Variants in ADAMTS2 observed in about 807,000 individuals in gnomAD.
The protein encoded by ADAMTS2 is A disintegrin and metalloproteinase with thrombospondin motifs 2.
Under a neutral mutation model 123.0 loss-of-function variants are expected in ADAMTS2, and 50 were observed. The observed-to-expected ratio is 0.41, with a 90% CI of 0.32 to 0.51. ADAMTS2 has a LOEUF of 0.51. ADAMTS2 is among the 20% of genes least tolerant of loss of function. ADAMTS2 has a pLI of 0.35. For synonymous variants in ADAMTS2, 678 were observed against 695.4 expected, an observed-to-expected ratio of 0.98 and a Z score of 0.39; for missense variants, 1,494 against 1,705.2, an observed-to-expected ratio of 0.88 and a Z score of 2.18.
At chr5:179,142,686 TA>T (rs1459168655) in intron 10 of ADAMTS2, among the ~76,000 whole-genome samples, 1 of 152,070 alleles carries the variant, frequency 6.6e-6, no homozygotes, top group African/African-American at 2.4e-5. Flanking sequence ...CCCAGGGCAT[TA>T]GGGGCAGGGG....
At chr5:179,286,592 G>A (rs373992672) in intron 2 of ADAMTS2, among the ~76,000 whole-genome samples, 11 of 152,092 alleles carry the variant, frequency 7.2e-5, no homozygotes, top group Non-Finnish European at 1.2e-4. Context: ...ACCCAGGACC[G>A]TCCCCCAGCA....
intron 3 of ADAMTS2, among the ~76,000 whole-genome samples, chr5:179,269,503 A>G (rs1581233950): frequency 6.6e-6 from 1 of 152,262 alleles, no homozygotes; most frequent in African/African-American, 2.4e-5. Context: ...TAAAACCCTC[A>G]GATCTCGTGA....
At chr5:179,142,749 A>G (rs1242367817) in intron 10 of ADAMTS2, among the ~76,000 whole-genome samples, 1 of 152,206 alleles carries the variant, frequency 6.6e-6, no homozygotes, top group Non-Finnish European at 1.5e-5. Context: ...GGGGAGCAAT[A>G]TCAGTGGCTG....
intron 2 of ADAMTS2, among the ~76,000 whole-genome samples, chr5:179,287,924 C>G (rs1459216060): frequency 6.6e-6 from 1 of 152,238 alleles, no homozygotes; most frequent in Non-Finnish European, 1.5e-5. Flanking sequence ...ACGCCAGTCC[C>G]CCCACTCCAC....
intron 3 of ADAMTS2, among the ~76,000 whole-genome samples, chr5:179,263,939 G>A (rs1452731797): frequency 6.6e-6 from 1 of 152,238 alleles, no homozygotes; most frequent in Non-Finnish European, 1.5e-5. Flanking sequence ...AATATTTCAG[G>A]CTTGGAGCTG....
chr5:179,336,723 G>A (rs76653143), intron 2 of ADAMTS2, among the ~76,000 whole-genome samples: 5,043 of 152,218 alleles, frequency 0.033, 125 homozygotes, highest in East Asian at 0.094. Context: ...AAGTGCGTGC[G>A]GACAGAACCC....
intron 2 of ADAMTS2, among the ~76,000 whole-genome samples, chr5:179,321,348 C>A (rs1984625): frequency 6.6e-6 from 1 of 152,112 alleles, no homozygotes; most frequent in Non-Finnish European, 1.5e-5. Flanking sequence ...GTGTGCCATG[C>A]GCACCAGCTT....
chr5:179,276,340 C>T (rs1304961540), intron 2 of ADAMTS2, among the ~76,000 whole-genome samples: 1 of 152,114 alleles, frequency 6.6e-6, no homozygotes, highest in East Asian at 1.9e-4. Flanking sequence ...TGCCTCAAAT[C>T]CATCTTATGA....
Position 179,272,829 on chromosome 5 carries a change from G to A in ADAMTS2, c.688+82C>T. 2 of 1,531,094 alleles carry A rather than the reference G, an allele frequency of 1.3e-6. No homozygotes were observed. The highest frequency in any genetic ancestry group is 1.8e-5 in the Admixed American group (1 of 54,786). 94.8% of individuals were successfully genotyped at this position (1,531,094 alleles called of 1,614,324 possible). A position where few individuals can be genotyped will look rare whatever the true frequency, so the allele number is the denominator to read the frequency against. ...CAGCCAAGCTGGTCTGTGGAGAGCT[G>A]CCTGAGTCTCTGGGATGCTCCCCTG... On this transcript the variant is annotated intron_variant, in intron 3 of 21. Coordinates refer to ENST00000251582, the MANE Select transcript of ADAMTS2 (RefSeq NM_014244.5). The surrounding 1 kb of genome is among the most constrained non-coding windows in gnomAD (Gnocchi z 5.8).
Position 179,185,140 on chromosome 5 carries a change from C to T in ADAMTS2, c.892-3985G>A, listed in dbSNP as rs568177432. 1.1e-4 allele frequency among the ~76,000 whole-genome samples: 17 copies of T among 152,266 alleles called. 1 individual carries two copies. In the South Asian group the frequency reaches 1.7e-3, roughly 15 times the overall value. The stretch of plus-strand genomic sequence containing the variant: ...GGAGGTGGGAGGGGAGCACTGAGGC[C>T]AGACCACGAAGTCAGGAGAAGGATT... On this transcript the variant is annotated intron_variant, in intron 4 of 21. Transcript: ENST00000251582. This position sits in a 1 kb window ranked among gnomAD's most constrained non-coding sequence, Gnocchi z 5.9.
chr5:179,272,003 G>T lies in ADAMTS2; in HGVS notation c.688+908C>A, dbSNP rs1195023817. Reference sequence around the variant, plus strand: ...GACTCCAGACTCTCCTCACCCAGGGGTCCTGACCAGAGGCTGAGGGCTGAG... The same window carrying T: ...GACTCCAGACTCTCCTCACCCAGGGTTCCTGACCAGAGGCTGAGGGCTGAG... On this transcript the variant is annotated intron_variant, in intron 3 of 21. Coordinates refer to ENST00000251582, the MANE Select transcript of ADAMTS2 (RefSeq NM_014244.5). The surrounding 1 kb of genome is among the most constrained non-coding windows in gnomAD (Gnocchi z 5.8). 6.6e-6 allele frequency among the ~76,000 whole-genome samples: 1 copy of T among 152,174 alleles called. No homozygotes were observed. Among genetic ancestry groups the T allele is most frequent in the Non-Finnish European group, 1.5e-5 (1 of 68,024 alleles).
chr5:179,165,392 C>T (rs1763677754), intron 5 of ADAMTS2, among the ~76,000 whole-genome samples: 1 of 152,218 alleles, frequency 6.6e-6, no homozygotes, highest in African/African-American at 2.4e-5. Flanking sequence ...AGTCTTTCAC[C>T]AGCTCGCCCT....
At chr5:179,243,694 A>C (rs1014154494) in intron 3 of ADAMTS2, among the ~76,000 whole-genome samples, 2 of 152,352 alleles carry the variant, frequency 1.3e-5, no homozygotes, top group South Asian at 2.1e-4. Context: ...CTGGTAAGAA[A>C]GCCCAGATGT....
Position 179,114,089 on chromosome 5 carries a change from G to C in ADAMTS2, c.3414C>G (p.Thr1138=). 1 of 1,614,100 alleles carries C rather than the reference G, an allele frequency of 6.2e-7. No homozygotes were observed. Among genetic ancestry groups the C allele is most frequent in the Non-Finnish European group, 8.5e-7 (1 of 1,180,024 alleles). Residue 1138 remains threonine, a synonymous_variant, in exon 22 of 22, where the codon ACC becomes ACG. Coordinates refer to ENST00000251582, the MANE Select transcript of ADAMTS2 (RefSeq NM_014244.5). ...AGGCATTGAGAGGGACCTCCAGGGG[G>C]GTGCTTGGTGATGGCCGCACCTCCA... ...VAMEVRPSPS[T]PLEVPLNASS...
intron 3 of ADAMTS2, among the ~76,000 whole-genome samples, chr5:179,224,789 A>C (rs1357204545): frequency 1.3e-5 from 2 of 152,184 alleles, no homozygotes; most frequent in Non-Finnish European, 2.9e-5. Context: ...TGTGAAATGA[A>C]CCAAAGCTGG....
At position 179,260,949 on chromosome 5, in the gene ADAMTS2, G is replaced by A. The variant is rs531768522; in HGVS notation, c.688+11962C>T. On this transcript the variant is annotated intron_variant, in intron 3 of 21. Coordinates refer to ENST00000251582, the MANE Select transcript of ADAMTS2 (RefSeq NM_014244.5). This position sits in a 1 kb window ranked among gnomAD's most constrained non-coding sequence, Gnocchi z 4.2. ...GACACCATGAAGAGTGCCCACCTTC[G>A]CGCAGGCCCTCGGTGAATGGGCATG... Among the ~76,000 whole-genome samples the A allele has an allele frequency of 2.0e-5, 3 of 152,186 alleles. No homozygotes were observed. The highest frequency in any genetic ancestry group is 6.5e-5 in the Admixed American group (1 of 15,288).
intron 3 of ADAMTS2, among the ~76,000 whole-genome samples, chr5:179,245,638 C>T (rs1324288238): frequency 6.1e-5 from 9 of 148,274 alleles, no homozygotes; most frequent in Non-Finnish European, 1.2e-4. Context: ...TGGTAGCGGG[C>T]GCCTGTAGTC....
At chr5:179,163,704 A>G (rs1404426900) in intron 5 of ADAMTS2, among the ~76,000 whole-genome samples, 2 of 152,114 alleles carry the variant, frequency 1.3e-5, no homozygotes, top group Non-Finnish European at 2.9e-5. Flanking sequence ...TTAGCAGCCA[A>G]AGTGATCTTG....
At position 179,181,022 on chromosome 5, in the gene ADAMTS2, C is replaced by G. The variant is rs369316593; in HGVS notation, c.975+50G>C. On this transcript the variant is annotated intron_variant, in intron 5 of 21. Coordinates refer to ENST00000251582, the MANE Select transcript of ADAMTS2 (RefSeq NM_014244.5). This position sits in a 1 kb window ranked among gnomAD's most constrained non-coding sequence, Gnocchi z 4.1. ...GAGGCCCATGCCTCACTCCCAGGCC[C>G]CTCACTCCGAGGGGGTGGAGGCAGG... is the stretch of plus-strand genomic sequence containing the variant. 7 of 1,449,082 alleles carry G rather than the reference C, an allele frequency of 4.8e-6. No individual in the cohort carries two copies. Among genetic ancestry groups the G allele is most frequent in the Non-Finnish European group, 5.8e-6 (6 of 1,030,808 alleles). The allele number at this position is 1,449,082 out of a possible 1,614,324, so 89.8% of individuals were successfully genotyped here.
Sources: gnomAD v4.1 joint callset for allele counts (sites outside exome capture counted in the v4.1 genomes callset) on GRCh38, gnomAD v4.1.1 for gene constraint, Gnocchi (gnomAD v3.1) non-coding constraint, MANE v1.5 for transcripts, NCBI Gene and HGNC (gene_info 2026-07-23, HGNC 2026-07-21) for gene names.